ABCA13: variants seen among roughly 807,000 people sequenced by gnomAD.
ABCA13 encodes the protein ATP-binding cassette sub-family A member 13.
ABCA13 carries 476 observed loss-of-function variants against 478.7 expected under a neutral mutation model. The observed-to-expected ratio is 0.99, with a 90% CI of 0.92 to 1.07. The LOEUF is 1.07. Ranked by LOEUF, ABCA13 falls within the 50% of genes least tolerant of loss-of-function variation. ABCA13 has a pLI of 0.00. For missense variants in ABCA13, 6,060 were observed against 5,910.6 expected (o/e 1.03, Z -0.83); for synonymous variants, 2,252 against 2,158.9 (o/e 1.04, Z -1.20).
intron 38 of ABCA13, among the ~76,000 whole-genome samples, chr7:48,403,027 G>A (rs938159757): frequency 6.6e-6 from 1 of 152,252 alleles, no homozygotes; most frequent in Non-Finnish European, 1.5e-5. Context: ...TGAGAAAAGA[G>A]AGTGGATCCC....
rs1364932215 is a variant in ABCA13 at position 48,644,679 on chromosome 7, G to A, written c.15006G>A (p.Leu5002=). ...AAAGATGGGGATGCCTAGCTGACTT[G>A]TTCAAAGTTATAGAGAACAATAAAA... ...VPKRWGCLAD[L]FKVIENNKTF... Residue 5002 remains leucine (L), a synonymous_variant, in exon 61 of 62, where the codon TTG becomes TTA. Coordinates refer to ENST00000435803, the MANE Select transcript of ABCA13 (RefSeq NM_152701.5). The A allele has an allele frequency of 1.3e-6, 2 of 1,592,140 alleles. No homozygotes were observed. The highest frequency in any genetic ancestry group is 1.7e-5 in the Admixed American group (1 of 58,236).
At chr7:48,328,734 CA>C (rs1281541426) in intron 27 of ABCA13, among the ~76,000 whole-genome samples, 5 of 151,292 alleles carry the variant, frequency 3.3e-5, no homozygotes, top group South Asian at 2.1e-4. Flanking sequence ...ACATATAGTT[CA>C]AAAAATAATA....
intron 45 of ABCA13, among the ~76,000 whole-genome samples, chr7:48,479,396 C>G (rs1828522573): frequency 6.6e-6 from 1 of 152,054 alleles, no homozygotes; most frequent in Non-Finnish European, 1.5e-5. Flanking sequence ...TGCTACCACG[C>G]CCTGCTAATT....
intron 23 of ABCA13, among the ~76,000 whole-genome samples, chr7:48,304,582 C>A (rs1800628788): frequency 6.6e-6 from 1 of 151,570 alleles, no homozygotes; most frequent in Non-Finnish European, 1.5e-5. Context: ...AGCGATGGAA[C>A]AATAGACATG....
intron 42 of ABCA13, among the ~76,000 whole-genome samples, chr7:48,435,285 C>A (rs1292166196): frequency 6.6e-6 from 1 of 151,544 alleles, no homozygotes; most frequent in Admixed American, 6.6e-5. Context: ...AAATGATTTT[C>A]TTAATTTCTG....
intron 29 of ABCA13, among the ~76,000 whole-genome samples, chr7:48,339,873 G>T (rs528988234): frequency 6.6e-6 from 1 of 152,102 alleles, no homozygotes; most frequent in Non-Finnish European, 1.5e-5. Flanking sequence ...GTGGGGTGGC[G>T]GTGGGGGATT....
chr7:48,351,049 A>G (rs1808892208), intron 30 of ABCA13, among the ~76,000 whole-genome samples: 1 of 152,214 alleles, frequency 6.6e-6, no homozygotes, highest in Non-Finnish European at 1.5e-5. Flanking sequence ...GTGACTAATA[A>G]CGTTTTCACC....
intron 57 of ABCA13, among the ~76,000 whole-genome samples, chr7:48,593,186 T>C (rs933561359): frequency 6.9e-6 from 1 of 145,356 alleles, no homozygotes; most frequent in Non-Finnish European, 1.5e-5. Flanking sequence ...AATTTGATAA[T>C]TTTTTTTTGT....
intron 55 of ABCA13, among the ~76,000 whole-genome samples, chr7:48,541,697 T>C (rs1833949825): frequency 7.3e-6 from 1 of 137,624 alleles, no homozygotes; most frequent in Admixed American, 7.5e-5. Flanking sequence ...TAAAATATTT[T>C]AAAAGGGAGA....
At chr7:48,185,937 T>A (rs2128879989) in intron 1 of ABCA13, among the ~76,000 whole-genome samples, 1 of 152,132 alleles carries the variant, frequency 6.6e-6, no homozygotes, top group Admixed American at 6.5e-5. Flanking sequence ...TATGTATTAA[T>A]CCTCTCAATC....
chr7:48,361,081 G>A (rs1585007588), intron 31 of ABCA13, among the ~76,000 whole-genome samples: 1 of 150,724 alleles, frequency 6.6e-6, no homozygotes, highest in Admixed American at 6.6e-5. Flanking sequence ...GGGCAACAGA[G>A]TGAGACCCTG....
At chr7:48,518,696 A>C (rs1428787213) in intron 52 of ABCA13, among the ~76,000 whole-genome samples, 1 of 152,154 alleles carries the variant, frequency 6.6e-6, no homozygotes, top group African/African-American at 2.4e-5. Flanking sequence ...TATTTCAAAT[A>C]ATTTCAAATT....
Position 48,516,740 on chromosome 7 carries a change from A to G in ABCA13, c.13656A>G (p.Pro4552=), listed in dbSNP as rs775309100. Residue 4552 remains proline, a synonymous_variant, in exon 52 of 62, where the codon CCA becomes CCG. Coordinates refer to ENST00000435803, the MANE Select transcript of ABCA13 (RefSeq NM_152701.5). ...TACTTTTCAGATATGCAACTCTTCC[A>G]TGGATGTACCTGATGTCCAGAATCT... ...LLSLFGYATL[P]WMYLMSRIFS... is the part of the protein sequence containing the mutation. The G allele has an allele frequency of 6.2e-6, 10 of 1,613,672 alleles. No individual in the cohort carries two copies. Among genetic ancestry groups the G allele is most frequent in the Middle Eastern group, 1.7e-4 (1 of 6,058 alleles).
intron 42 of ABCA13, among the ~76,000 whole-genome samples, chr7:48,428,457 C>G (rs1821726612): frequency 6.6e-6 from 1 of 152,136 alleles, no homozygotes; most frequent in Non-Finnish European, 1.5e-5. Flanking sequence ...AGCAACTCAG[C>G]AAGGATCCCT....
rs1831211691 is a variant in ABCA13, at chr7:48,506,386, A to T, written c.13342A>T (p.Lys4448Ter). 2 of 1,613,620 alleles carry T rather than the reference A, an allele frequency of 1.2e-6. No homozygotes were observed. The highest frequency in any genetic ancestry group is 2.2e-5 in the South Asian group (2 of 91,074). ...TGGAGGGGCCTTGCTGAACGAGGAC[A>T]AGATGTGAGTTGATGGAATGCTGAG... is the stretch of plus-strand genomic sequence containing the variant. ...PYGGALLNED[K>*]ILESIRQCGV... Residue 4448 changes from lysine to a stop codon, truncating the protein, a stop_gained, in exon 49 of 62, where the codon AAG (lysine) becomes TAG (stop). Transcript: ENST00000435803. LOFTEE classifies it high-confidence loss of function.
At chr7:48,322,770 C>A (rs115015653) in intron 27 of ABCA13, among the ~76,000 whole-genome samples, 1 of 152,128 alleles carries the variant, frequency 6.6e-6, no homozygotes, top group East Asian at 1.9e-4. Flanking sequence ...TTTTTTCGGT[C>A]GACAGCTCTC....
At chr7:48,575,781 C>A (rs541277082) in intron 55 of ABCA13, among the ~76,000 whole-genome samples, 2 of 152,106 alleles carry the variant, frequency 1.3e-5, no homozygotes, top group Admixed American at 1.3e-4. Context: ...ATTTTCACAA[C>A]AGGAAAATAC....
chr7:48,597,979 G>T (rs1790472452), intron 58 of ABCA13, among the ~76,000 whole-genome samples: 1 of 151,992 alleles, frequency 6.6e-6, no homozygotes, highest in East Asian at 1.9e-4. Flanking sequence ...ATTTACATAG[G>T]GTTCTCTCTT....
intron 49 of ABCA13, among the ~76,000 whole-genome samples, chr7:48,507,028 T>C (rs1263372846): frequency 6.6e-6 from 1 of 152,376 alleles, no homozygotes; most frequent in East Asian, 1.9e-4. Context: ...ATCTGCTTAA[T>C]GGGCATTCTC....
Sources: allele counts gnomAD v4.1 joint callset (sites outside exome capture counted in the v4.1 genomes callset), GRCh38; gene constraint gnomAD v4.1.1; transcripts MANE v1.5; gene names NCBI Gene and HGNC (gene_info 2026-07-23, HGNC 2026-07-21).